The following GSX1 variants were observed in gnomAD, a reference collection of about 807,000 sequenced individuals.
GSX1 encodes the protein GS homeo box protein 1.
A neutral mutation model predicts 17.7 loss-of-function variants in GSX1; 13 were observed. That is an observed-to-expected ratio of 0.74 (90% CI 0.48 to 1.17). The LOEUF (loss-of-function observed/expected upper bound fraction) is 1.17, where lower values mean the gene tolerates loss of function less well. GSX1 is among the 50% of genes most tolerant of loss of function. The probability of loss-of-function intolerance (pLI) is 0.00; values close to 1 mark genes in which losing one functional copy is unlikely to be tolerated. For synonymous variants in GSX1, 202 were observed against 176.2 expected, an observed-to-expected ratio of 1.15 and a Z score of -1.16; for missense variants, 371 against 372.1, an observed-to-expected ratio of 1.00 and a Z score of 0.02.
In GSX1 at chr13:27,794,216, C is replaced by T; in HGVS notation, c.*268C>T. 1 of 379,008 alleles carries T rather than the reference C, an allele frequency of 2.6e-6. No homozygotes were observed. Among genetic ancestry groups the T allele is most frequent in the Non-Finnish European group, 4.7e-6 (1 of 213,622 alleles). 23.5% of individuals were successfully genotyped at this position (379,008 alleles called of 1,614,324 possible). A position where few individuals can be genotyped will look rare whatever the true frequency, so the allele number is the denominator to read the frequency against. Reference sequence around the variant, plus strand: ...GCTCGAGTCCTCCTGGGCAGTGCAGCACCGCGGCCCCCGCCCGCAAGCCTG... The same window carrying T: ...GCTCGAGTCCTCCTGGGCAGTGCAGTACCGCGGCCCCCGCCCGCAAGCCTG... On this transcript the variant is annotated 3_prime_UTR_variant, in exon 2 of 2. Transcript: ENST00000302945.
At position 27,792,980 on chromosome 13, in the gene GSX1, G is replaced by A; in HGVS notation, c.290G>A (p.Arg97His). The change falls in exon 1 of 2, where the codon CGC becomes CAC. Residue 97 changes from arginine to histidine, a missense_variant. By Grantham distance (29) the Arg-to-His change is conservative (BLOSUM62 0). Coordinates refer to ENST00000302945, the MANE Select transcript of GSX1 (RefSeq NM_145657.3). ...GSQYCHAPLG[R>H]QHSAVSPGVA... ...CAGTACTGCCACGCGCCCCTGGGCC[G>A]CCAGCACTCTGCTGTGTCGCCCGGG... 6.4e-7 allele frequency: 1 copy of A among 1,557,104 alleles called. No homozygotes were observed.
Position 27,792,894 on chromosome 13 carries a change from T to G in GSX1, c.204T>G (p.His68Gln). Reference sequence around the variant, plus strand: ...TCTGCGTCACCGCCTCGCAGCTGCATGGGCCCCCCGGGCCGCCCGCGCTGC... The same window carrying G: ...TCTGCGTCACCGCCTCGCAGCTGCAGGGGCCCCCCGGGCCGCCCGCGCTGC... ...CPLCVTASQL[H>Q]GPPGPPALPL... The change falls in exon 1 of 2, where the codon CAT becomes CAG. Residue 68 changes from histidine (H) to glutamine (Q), a missense_variant. Physicochemically the swap from His to Gln is conservative, Grantham distance 24 (BLOSUM62 0). Coordinates refer to ENST00000302945, the MANE Select transcript of GSX1 (RefSeq NM_145657.3). 6.6e-7 allele frequency: 1 copy of G among 1,525,268 alleles called. No homozygotes were observed. The highest frequency in any genetic ancestry group is 8.8e-7 in the Non-Finnish European group (1 of 1,141,592). 94.5% of individuals were successfully genotyped at this position (1,525,268 alleles called of 1,614,324 possible).
rs1346526503 is a variant in GSX1, at chr13:27,793,419, C to G, written c.413-147C>G. On this transcript the variant is annotated intron_variant, in intron 1 of 1. Coordinates refer to ENST00000302945, the MANE Select transcript of GSX1 (RefSeq NM_145657.3). The surrounding 1 kb of genome is among the most constrained non-coding windows in gnomAD (Gnocchi z 6.2). Reference sequence around the variant, plus strand: ...CAGGATCTCGGAGCTGGACAAGGAGCGCTCACTGTAGCTCTGCTGTGGATT... The same window carrying G: ...CAGGATCTCGGAGCTGGACAAGGAGGGCTCACTGTAGCTCTGCTGTGGATT... 5.2e-6 allele frequency: 4 copies of G among 774,996 alleles called. No individual in the cohort carries two copies. Among genetic ancestry groups the G allele is most frequent in the Non-Finnish European group, 8.1e-6 (4 of 496,346 alleles). 48.0% of individuals were successfully genotyped at this position (774,996 alleles called of 1,614,324 possible). A position where few individuals can be genotyped will look rare whatever the true frequency, so the allele number is the denominator to read the frequency against.
Position 27,793,041 on chromosome 13 carries a change from C to A in GSX1, c.351C>A (p.Ala117=). ...GCCCGGCCGCCGCTGCTGCTGCCGC[C>A]GCGCTCTACCAGACCTCCTACCCGC... ...AHGPAAAAAA[A]ALYQTSYPLP... The change falls in exon 1 of 2, where the codon GCC becomes GCA. Residue 117 remains alanine, a synonymous_variant. Transcript: ENST00000302945. The surrounding 1 kb of genome is among the most constrained non-coding windows in gnomAD (Gnocchi z 6.2). The A allele has an allele frequency of 1.9e-6, 3 of 1,587,656 alleles. No homozygotes were observed. The South Asian group carries it at 3.3e-5, about 18-fold the overall frequency.
chr13:27,793,539 C>G lies in GSX1; in HGVS notation c.413-27C>G. On this transcript the variant is annotated intron_variant, in intron 1 of 1. Transcript: ENST00000302945. The surrounding 1 kb of genome is among the most constrained non-coding windows in gnomAD (Gnocchi z 6.2). ...GGTCCACAGCACAGAGGTCTGATCG[C>G]TTCCTTCTCTGCTCTGCCACCTCCA... The G allele has an allele frequency of 3.1e-6, 5 of 1,589,798 alleles. No individual in the cohort carries two copies. Among genetic ancestry groups the G allele is most frequent in the South Asian group, 1.1e-5 (1 of 87,150 alleles).
chr13:27,793,056 C>T lies in GSX1; in HGVS notation c.366C>T (p.Thr122=). The T allele has an allele frequency of 6.3e-7, 1 of 1,583,570 alleles. No homozygotes were observed. Among genetic ancestry groups the T allele is most frequent in the Non-Finnish European group, 8.5e-7 (1 of 1,172,256 alleles). Residue 122 remains threonine (T), a synonymous_variant, in exon 1 of 2, where the codon ACC becomes ACT. Coordinates refer to ENST00000302945, the MANE Select transcript of GSX1 (RefSeq NM_145657.3). The surrounding 1 kb of genome is among the most constrained non-coding windows in gnomAD (Gnocchi z 6.2). ...AAAAAAALYQ[T]SYPLPDPRQF... is the part of the protein sequence containing the mutation. ...CTGCTGCCGCCGCGCTCTACCAGAC[C>T]TCCTACCCGCTGCCTGACCCCAGGC...
rs1047393613 is a variant in GSX1, at chr13:27,793,318, G to C, written c.412+216G>C. On this transcript the variant is annotated intron_variant, in intron 1 of 1. Coordinates refer to ENST00000302945, the MANE Select transcript of GSX1 (RefSeq NM_145657.3). This position sits in a 1 kb window ranked among gnomAD's most constrained non-coding sequence, Gnocchi z 6.2. ...ACGTCCAGGTCCTGGAGTGTGGGCC[G>C]GGGTAAGTGAGGGCTGGGATCCAAG... is the stretch of plus-strand genomic sequence containing the variant. Among the ~76,000 whole-genome samples the C allele has an allele frequency of 6.6e-6, 1 of 152,150 alleles. No homozygotes were observed. Among genetic ancestry groups the C allele is most frequent in the Admixed American group, 6.5e-5 (1 of 15,278 alleles).
In GSX1 at chr13:27,793,836, G is replaced by A. The variant is rs770244924; in HGVS notation, c.683G>A (p.Gly228Asp). The A allele has an allele frequency of 1.6e-5, 26 of 1,611,876 alleles. No individual in the cohort carries two copies. Among genetic ancestry groups the A allele is most frequent in the Non-Finnish European group, 1.9e-5 (22 of 1,178,820 alleles). Residue 228 changes from glycine (G) to aspartate (D), a missense_variant, in exon 2 of 2, where the codon GGC (glycine) becomes GAC (aspartate). Coordinates refer to ENST00000302945, the MANE Select transcript of GSX1 (RefSeq NM_145657.3). The surrounding 1 kb of genome is among the most constrained non-coding windows in gnomAD (Gnocchi z 6.2). ...GGTGGTGGCGGGAGCGCACCGCAAG[G>A]CTGCAAGTGCGCATCGCTCTCCTCA... is the stretch of plus-strand genomic sequence containing the variant. ...GAGGGGSAPQ[G>D]CKCASLSSAK...
At position 27,793,236 on chromosome 13, in the gene GSX1, T is replaced by TAA. The variant is rs1957077870; in HGVS notation, c.412+134_412+135insAA. 6.0e-6 allele frequency: 6 copies of TAA among 999,260 alleles called. No homozygotes were observed. The highest frequency in any genetic ancestry group is 7.0e-6 in the Non-Finnish European group (5 of 710,762). The allele number at this position is 999,260 out of a possible 1,614,324, so 61.9% of individuals were successfully genotyped here. Reference sequence around the variant, plus strand: ...CATGTCGGGGACTAAGGGGGGCGCTTGGGGTGGAGTGAGGATAGAGGGCCG... The same window carrying TAA: ...CATGTCGGGGACTAAGGGGGGCGCTTAAGGGGTGGAGTGAGGATAGAGGGCCG... On this transcript the variant is annotated intron_variant, in intron 1 of 1. Transcript: ENST00000302945. This position sits in a 1 kb window ranked among gnomAD's most constrained non-coding sequence, Gnocchi z 6.2.
rs547969868 is a variant in GSX1 at position 27,793,294 on chromosome 13, C to G, written c.412+192C>G. Reference sequence around the variant, plus strand: ...ACGCCAGGAGGCGGATGAGGGCAGACGTCCAGGTCCTGGAGTGTGGGCCGG... The same window carrying G: ...ACGCCAGGAGGCGGATGAGGGCAGAGGTCCAGGTCCTGGAGTGTGGGCCGG... On this transcript the variant is annotated intron_variant, in intron 1 of 1. Coordinates refer to ENST00000302945, the MANE Select transcript of GSX1 (RefSeq NM_145657.3). The surrounding 1 kb of genome is among the most constrained non-coding windows in gnomAD (Gnocchi z 6.2). Among the ~76,000 whole-genome samples the G allele has an allele frequency of 6.6e-6, 1 of 152,112 alleles. No individual in the cohort carries two copies. The highest frequency in any genetic ancestry group is 2.4e-5 in the African/African-American group (1 of 41,428).
chr13:27,792,662 T>C lies in GSX1; in HGVS notation c.-29T>C, dbSNP rs1957073074. 2 of 1,351,378 alleles carry C rather than the reference T, an allele frequency of 1.5e-6. No homozygotes were observed. The highest frequency in any genetic ancestry group is 3.1e-5 in the African/African-American group (2 of 65,004). The allele number at this position is 1,351,378 out of a possible 1,614,324, so 83.7% of individuals were successfully genotyped here. ...GGTGCGGTGGGCGCAGAGGGCGGGC[T>C]GGCTGCGGGGCGACCGCGCGCCGGG... On this transcript the variant is annotated 5_prime_UTR_variant, in exon 1 of 2. Transcript: ENST00000302945.
Position 27,793,907 on chromosome 13 carries a change from T to A in GSX1, c.754T>A (p.Ser252Thr). Residue 252 changes from serine to threonine, a missense_variant, in exon 2 of 2, where the codon TCC becomes ACC. Physicochemically the swap from Ser to Thr is moderately conservative, Grantham distance 58. Transcript: ENST00000302945. The surrounding 1 kb of genome is among the most constrained non-coding windows in gnomAD (Gnocchi z 6.2). ...DDDELPMSPS[S>T]SGKDDRDLTV... ...CGACGAATTGCCCATGTCTCCGTCC[T>A]CCTCAGGGAAGGACGACCGGGATCT... 6.4e-7 allele frequency: 1 copy of A among 1,571,020 alleles called. No individual in the cohort carries two copies. The highest frequency in any genetic ancestry group is 8.6e-7 in the Non-Finnish European group (1 of 1,156,704).
rs961375425 is a variant in GSX1, at chr13:27,794,177, T to C, written c.*229T>C. 2.4e-5 allele frequency: 13 copies of C among 542,026 alleles called. No homozygotes were observed. The highest frequency in any genetic ancestry group is 3.9e-5 in the Non-Finnish European group (12 of 311,634). The allele number at this position is 542,026 out of a possible 1,614,324, so 33.6% of individuals were successfully genotyped here. A position where few individuals can be genotyped will look rare whatever the true frequency, so the allele number is the denominator to read the frequency against. ...CGTGTCCAAAGCCAACTCCAAGCTGTGAACACTGTAAGCGCTCGAGTCCTC... is the reference window on the plus strand; with the variant it reads ...CGTGTCCAAAGCCAACTCCAAGCTGCGAACACTGTAAGCGCTCGAGTCCTC... On this transcript the variant is annotated 3_prime_UTR_variant, in exon 2 of 2. Coordinates refer to ENST00000302945, the MANE Select transcript of GSX1 (RefSeq NM_145657.3).
At position 27,792,688 on chromosome 13, in the gene GSX1, G is replaced by T; in HGVS notation, c.-3G>T. ...GGCTGCGGGGCGACCGCGCGCCGGGGCCATGCCGCGCTCCTTCCTGGTGGA... is the reference window on the plus strand; with the variant it reads ...GGCTGCGGGGCGACCGCGCGCCGGGTCCATGCCGCGCTCCTTCCTGGTGGA... On this transcript the variant is annotated 5_prime_UTR_variant, in exon 1 of 2. Coordinates refer to ENST00000302945, the MANE Select transcript of GSX1 (RefSeq NM_145657.3). The T allele has an allele frequency of 2.2e-6, 3 of 1,390,702 alleles. No individual in the cohort carries two copies. Among genetic ancestry groups the T allele is most frequent in the Non-Finnish European group, 2.8e-6 (3 of 1,080,918 alleles). The allele number at this position is 1,390,702 out of a possible 1,614,324, so 86.1% of individuals were successfully genotyped here.
chr13:27,793,922 G>T lies in GSX1; in HGVS notation c.769G>T (p.Asp257Tyr), dbSNP rs1260542359. 5 of 1,562,806 alleles carry T rather than the reference G, an allele frequency of 3.2e-6. No individual in the cohort carries two copies. Among genetic ancestry groups the T allele is most frequent in the Non-Finnish European group, 4.3e-6 (5 of 1,152,314 alleles). ...GTCTCCGTCCTCCTCAGGGAAGGAC[G>T]ACCGGGATCTTACGGTCACTCCCTA... ...PMSPSSSGKD[D>Y]RDLTVTP Residue 257 changes from aspartate (D) to tyrosine (Y), a missense_variant, in exon 2 of 2, where the codon GAC becomes TAC. Around this residue, in one of 3 missense-constraint regions of GSX1, gnomAD observed 92 missense variants for 70.0 expected, o/e 1.31. Transcript: ENST00000302945. The surrounding 1 kb of genome is among the most constrained non-coding windows in gnomAD (Gnocchi z 6.2).
rs1280700542 is a variant in GSX1, at chr13:27,793,966, T to C, written c.*18T>C. The C allele has an allele frequency of 6.5e-7, 1 of 1,530,370 alleles. No individual in the cohort carries two copies. The highest frequency in any genetic ancestry group is 1.4e-5 in the African/African-American group (1 of 72,506). The allele number at this position is 1,530,370 out of a possible 1,614,324, so 94.8% of individuals were successfully genotyped here. A position where few individuals can be genotyped will look rare whatever the true frequency, so the allele number is the denominator to read the frequency against. ...CTCCCTAGGCGCGTGTCTCCCTAGG[T>C]CGCCCACCCCAAGACCTCCCTGCGC... On this transcript the variant is annotated 3_prime_UTR_variant, in exon 2 of 2. Transcript: ENST00000302945. The surrounding 1 kb of genome is among the most constrained non-coding windows in gnomAD (Gnocchi z 6.2).
In GSX1 at chr13:27,792,741, G is replaced by A. The variant is rs1225108662; in HGVS notation, c.51G>A (p.Glu17=). The A allele has an allele frequency of 4.7e-6, 7 of 1,477,384 alleles. No homozygotes were observed. The highest frequency in any genetic ancestry group is 5.7e-5 in the East Asian group (2 of 35,000). The allele number at this position is 1,477,384 out of a possible 1,614,324, so 91.5% of individuals were successfully genotyped here. A position where few individuals can be genotyped will look rare whatever the true frequency, so the allele number is the denominator to read the frequency against. ...CGCTAGTGCTGCGCGAGGCGGGCGAGAAGAAGGCGCCCGAGGGCAGCCCGC... is the reference window on the plus strand; with the variant it reads ...CGCTAGTGCTGCGCGAGGCGGGCGAAAAGAAGGCGCCCGAGGGCAGCCCGC... ...VDSLVLREAG[E]KKAPEGSPPP... The change falls in exon 1 of 2, where the codon GAG becomes GAA. Residue 17 remains glutamate, a synonymous_variant. Coordinates refer to ENST00000302945, the MANE Select transcript of GSX1 (RefSeq NM_145657.3).
chr13:27,792,764 C>T lies in GSX1; in HGVS notation c.74C>T (p.Pro25Leu). ...GAGAAGAAGGCGCCCGAGGGCAGCC[C>T]GCCGCCGCTCTTCCCCTACGCTGTG... is the stretch of plus-strand genomic sequence containing the variant. ...AGEKKAPEGS[P>L]PPLFPYAVPP... Residue 25 changes from proline to leucine, a missense_variant, in exon 1 of 2, where the codon CCG becomes CTG. By Grantham distance (98) the Pro-to-Leu change is moderately conservative (BLOSUM62 -3). This residue lies in a region of GSX1 where 212 missense variants were observed against 193.9 expected (regional missense o/e 1.09). Coordinates refer to ENST00000302945, the MANE Select transcript of GSX1 (RefSeq NM_145657.3). The T allele has an allele frequency of 6.7e-7, 1 of 1,487,258 alleles. No individual in the cohort carries two copies. Among genetic ancestry groups the T allele is most frequent in the Non-Finnish European group, 8.9e-7 (1 of 1,127,254 alleles). 92.1% of individuals were successfully genotyped at this position (1,487,258 alleles called of 1,614,324 possible).
rs545029257 is a variant in GSX1, at chr13:27,793,657, T to C, written c.504T>C (p.Ser168=). 1.2e-6 allele frequency: 2 copies of C among 1,614,168 alleles called. No homozygotes were observed. The highest frequency in any genetic ancestry group is 1.7e-6 in the Non-Finnish European group (2 of 1,180,024). The change falls in exon 2 of 2, where the codon TCT becomes TCC. Residue 168 remains serine (S), a synonymous_variant. Transcript: ENST00000302945. The surrounding 1 kb of genome is among the most constrained non-coding windows in gnomAD (Gnocchi z 6.2). ...TAGAGCTGGAGCGCGAGTTCGCTTC[T>C]AATATGTACCTGTCCCGCCTACGTC... The part of the protein sequence containing the change: ...QLLELEREFA[S]NMYLSRLRRI...
Sources: gnomAD v4.1 joint callset for allele counts (sites outside exome capture counted in the v4.1 genomes callset) on GRCh38, gnomAD v4.1.1 for gene constraint, gnomAD v4.1.1 regional missense constraint, Gnocchi (gnomAD v3.1) non-coding constraint, MANE v1.5 for transcripts, NCBI Gene and HGNC (gene_info 2026-07-23, HGNC 2026-07-21) for gene names.